Variants in HECW1 observed in about 807,000 individuals in gnomAD.
HECW1 encodes the protein HECT, C2 and WW domain containing E3 ubiquitin protein ligase 1.
Under a neutral mutation model 182.3 loss-of-function variants are expected in HECW1, and 61 were observed. The ratio of observed to expected loss-of-function variants is 0.33; its 90% CI spans 0.27 to 0.41. HECW1 has a LOEUF of 0.41. Among genes scored for constraint, HECW1 ranks in the 10% least tolerant of loss-of-function variants. HECW1 has a pLI of 1.00. For missense variants in HECW1, 1,739 were observed against 2,108.9 expected, an observed-to-expected ratio of 0.82 and a Z score of 3.44; for synonymous variants, 859 against 832.6, an observed-to-expected ratio of 1.03 and a Z score of -0.55.
At chr7:43,540,121 T>C (rs989072840) in intron 24 of HECW1, among the ~76,000 whole-genome samples, 1 of 152,240 alleles carries the variant, frequency 6.6e-6, no homozygotes, top group Non-Finnish European at 1.5e-5. Context: ...AATATATTTA[T>C]TCTGTGGAAT....
chr7:43,328,996 C>T (rs376685968), intron 5 of HECW1, among the ~76,000 whole-genome samples: 5 of 152,262 alleles, frequency 3.3e-5, no homozygotes, highest in South Asian at 4.1e-4. Flanking sequence ...GACATGCAGG[C>T]TCCGTCCCTG....
intron 2 of HECW1, among the ~76,000 whole-genome samples, chr7:43,140,724 A>G (rs554949803): frequency 3.3e-5 from 5 of 152,190 alleles, no homozygotes; most frequent in Non-Finnish European, 7.3e-5. Context: ...CGGCTGCTGT[A>G]AGTGATGACA....
At chr7:43,116,240 T>C (rs1489392375) in intron 2 of HECW1, among the ~76,000 whole-genome samples, 1 of 152,202 alleles carries the variant, frequency 6.6e-6, no homozygotes, top group African/African-American at 2.4e-5. Flanking sequence ...TTTTTTTCCT[T>C]GAATGATCTG....
intron 8 of HECW1, among the ~76,000 whole-genome samples, chr7:43,416,540 G>A (rs969601010): frequency 2.0e-5 from 3 of 152,062 alleles, no homozygotes; most frequent in Non-Finnish European, 4.4e-5. Context: ...GCCTCCTTGA[G>A]CTGTGGTGGG....
At chr7:43,478,322 A>C (rs1291834810) in intron 16 of HECW1, among the ~76,000 whole-genome samples, 1 of 152,196 alleles carries the variant, frequency 6.6e-6, no homozygotes, top group Non-Finnish European at 1.5e-5. Context: ...AGGCTGAGGC[A>C]GGAGAATCAC....
At chr7:43,279,881 G>C (rs2152746953) in intron 3 of HECW1, among the ~76,000 whole-genome samples, 1 of 152,334 alleles carries the variant, frequency 6.6e-6, no homozygotes, top group Non-Finnish European at 1.5e-5. Context: ...TATTACAGTA[G>C]ATGCTCAGTG....
chr7:43,559,380 A>AGTATGG (rs2082135731), intron 29 of HECW1, among the ~76,000 whole-genome samples: 1 of 151,948 alleles, frequency 6.6e-6, no homozygotes, highest in Admixed American at 6.6e-5. Flanking sequence ...CACGTGCAAA[A>AGTATGG]CTCCAGAGGC....
At chr7:43,347,941 T>C (rs113010164) in intron 5 of HECW1, among the ~76,000 whole-genome samples, 2,436 of 152,348 alleles carry the variant, frequency 0.016, 74 homozygotes, top group African/African-American at 0.055. Flanking sequence ...TTAAAGATTT[T>C]AGCATCTATG....
chr7:43,508,888 G>T, intron 23 of HECW1, 81 bp from the exon 24 acceptor site: 1 of 1,481,852 alleles, frequency 6.7e-7, no homozygotes, highest in Non-Finnish European at 9.2e-7. Flanking sequence ...CTCTGAAAGG[G>T]CACACTAGAA....
In HECW1 at chr7:43,562,216, A is replaced by C. The variant is rs183059413; in HGVS notation, c.*290A>C. 4.0e-5 allele frequency: 12 copies of C among 301,002 alleles called. No homozygotes were observed. Among genetic ancestry groups the C allele is most frequent in the Admixed American group, 3.5e-4 (7 of 19,912 alleles). The allele number at this position is 301,002 out of a possible 1,614,324, so 18.6% of individuals were successfully genotyped here. ...ATCTCCACATACCTCCATTACTAAC[A>C]ATGAAATATGAATGCAAGTTAAGCT... On this transcript the variant is annotated 3_prime_UTR_variant, in exon 30 of 30. Coordinates refer to ENST00000395891, the MANE Select transcript of HECW1 (RefSeq NM_015052.5).
chr7:43,142,324 T>C (rs1038727507), intron 2 of HECW1, among the ~76,000 whole-genome samples: 7 of 152,126 alleles, frequency 4.6e-5, no homozygotes, highest in African/African-American at 1.7e-4. Flanking sequence ...CCCAAGATAA[T>C]TCTTACTCGC....
At chr7:43,542,253 A>T (rs1416176618) in intron 26 of HECW1, among the ~76,000 whole-genome samples, 1 of 152,100 alleles carries the variant, frequency 6.6e-6, no homozygotes, top group Non-Finnish European at 1.5e-5. Flanking sequence ...TATGAATTTG[A>T]CTACTCTAGA....
In HECW1 at chr7:43,262,049, C is replaced by T. The variant is rs961301531; in HGVS notation, c.27+18117C>T. On this transcript the variant is annotated intron_variant, in intron 3 of 29. Coordinates refer to ENST00000395891, the MANE Select transcript of HECW1 (RefSeq NM_015052.5). ...CAGCCTGGACAGTATGGTGAAACCC[C>T]GTCTCTACTAAAAACACAAAAATTA... 5.9e-5 allele frequency among the ~76,000 whole-genome samples: 9 copies of T among 151,938 alleles called. No homozygotes were observed. In the South Asian group the frequency reaches 1.0e-3, roughly 18 times the overall value.
intron 24 of HECW1, chr7:43,511,280 A>G (rs1211801965): frequency 6.6e-6 from 1 of 152,166 alleles, no homozygotes; most frequent in African/African-American, 2.4e-5. Flanking sequence ...TGGAAACGCA[A>G]TTGCAGGTAG....
At chr7:43,506,840 G>A (rs2079595426) in intron 21 of HECW1, among the ~76,000 whole-genome samples, 1 of 152,224 alleles carries the variant, frequency 6.6e-6, no homozygotes, top group South Asian at 2.1e-4. Context: ...GCCAAGGCGG[G>A]TGAATCACCT....
chr7:43,278,817 C>T (rs561633506), intron 3 of HECW1, among the ~76,000 whole-genome samples: 31 of 152,282 alleles, frequency 2.0e-4, no homozygotes, highest in Admixed American at 1.8e-3. Context: ...ACAATTGCAA[C>T]CACCCACGCT....
chr7:43,562,915 G>T lies in HECW1; in HGVS notation c.*989G>T, dbSNP rs565488883. On this transcript the variant is annotated 3_prime_UTR_variant, in exon 30 of 30. Coordinates refer to ENST00000395891, the MANE Select transcript of HECW1 (RefSeq NM_015052.5). Reference sequence around the variant, plus strand: ...TTCTTCACAAAGGAAAAAAAAATGTGTAGATGATACCATGACTTTTGTTAA... The same window carrying T: ...TTCTTCACAAAGGAAAAAAAAATGTTTAGATGATACCATGACTTTTGTTAA... 1 of 215,256 alleles carries T rather than the reference G, an allele frequency of 4.6e-6. No homozygotes were observed. The highest frequency in any genetic ancestry group is 6.9e-5 in the East Asian group (1 of 14,428). 13.3% of individuals were successfully genotyped at this position (215,256 alleles called of 1,614,324 possible).
intron 24 of HECW1, among the ~76,000 whole-genome samples, chr7:43,530,867 T>G (rs755712603): frequency 2.0e-5 from 3 of 152,168 alleles, no homozygotes; most frequent in Admixed American, 1.3e-4. Flanking sequence ...CCTCCTAAAA[T>G]CTATATCCTT....
At chr7:43,281,566 C>G (rs1803904750) in intron 3 of HECW1, among the ~76,000 whole-genome samples, 1 of 152,158 alleles carries the variant, frequency 6.6e-6, no homozygotes, top group Admixed American at 6.6e-5. Flanking sequence ...TCTGTAGCCT[C>G]CTCTCCAGCC....
Sources: allele counts gnomAD v4.1 joint callset (sites outside exome capture counted in the v4.1 genomes callset), GRCh38; gene constraint gnomAD v4.1.1; transcripts MANE v1.5; gene names NCBI Gene and HGNC (gene_info 2026-07-23, HGNC 2026-07-21).